Variants in IL1RL1 observed in about 807,000 individuals in gnomAD.
The protein encoded by IL1RL1 is interleukin-1 receptor-like 1.
IL1RL1 carries 32 observed loss-of-function variants against 50.9 expected under a neutral mutation model. The observed-to-expected ratio is 0.63, with a 90% CI of 0.47 to 0.84. The LOEUF (loss-of-function observed/expected upper bound fraction) is 0.84, where lower values mean the gene tolerates loss of function less well. Among genes scored for constraint, IL1RL1 ranks in the 40% least tolerant of loss-of-function variants. The pLI is 0.00. For missense variants in IL1RL1, 773 were observed against 662.9 expected, an observed-to-expected ratio of 1.17 and a Z score of -1.82; for synonymous variants, 275 against 236.0, an observed-to-expected ratio of 1.17 and a Z score of -1.51.
chr2:102,311,701 T>C (rs1471181375), intron 1 of IL1RL1, 78 bp downstream of exon 1: 2 of 138,828 alleles, frequency 1.4e-5, no homozygotes, highest in Non-Finnish European at 3.0e-5. Flanking sequence ...ATTTAGGTCA[T>C]TATAACAATA....
chr2:102,322,397 G>GA (rs1160739784), intron 1 of IL1RL1, among the ~76,000 whole-genome samples: 6 of 152,082 alleles, frequency 3.9e-5, no homozygotes, highest in Admixed American at 3.9e-4. Context: ...AGTTTTGAGG[G>GA]AAAAATGATC....
chr2:102,315,636 T>C (rs1381508057), intron 1 of IL1RL1, among the ~76,000 whole-genome samples: 1 of 152,196 alleles, frequency 6.6e-6, no homozygotes, highest in Non-Finnish European at 1.5e-5. Flanking sequence ...TATTTTCTTT[T>C]CATTTCACCT....
At chr2:102,311,736 CATT>C (rs987885043) in intron 1 of IL1RL1, 113 bp downstream of exon 1, 4 of 124,338 alleles carry the variant, frequency 3.2e-5, no homozygotes, top group African/African-American at 1.2e-4. Flanking sequence ...ATTATTATAA[CATT>C]ATATGTTATA....
At chr2:102,329,021 A>G (rs1409148428) in intron 1 of IL1RL1, among the ~76,000 whole-genome samples, 1 of 152,188 alleles carries the variant, frequency 6.6e-6, no homozygotes, top group Admixed American at 6.5e-5. Flanking sequence ...AAAAGAGCCC[A>G]CATTGCCAAG....
chr2:102,346,538 G>A (rs371302997), intron 8 of IL1RL1, among the ~76,000 whole-genome samples: 31 of 152,242 alleles, frequency 2.0e-4, no homozygotes, highest in East Asian at 7.7e-4. Context: ...ACTTGGAAGC[G>A]TCCAGCCAAT....
intron 1 of IL1RL1, among the ~76,000 whole-genome samples, chr2:102,337,542 TAGAA>T (rs1677373485): frequency 6.6e-6 from 1 of 152,168 alleles, no homozygotes; most frequent in Non-Finnish European, 1.5e-5. Context: ...CAACTACTCT[TAGAA>T]AGCCTTTGGT....
intron 1 of IL1RL1, among the ~76,000 whole-genome samples, chr2:102,335,640 T>C (rs1186319835): frequency 1.3e-5 from 2 of 152,218 alleles, no homozygotes; most frequent in Non-Finnish European, 2.9e-5. Flanking sequence ...ATTTCATCAT[T>C]ATGATGTTAA....
intron 1 of IL1RL1, among the ~76,000 whole-genome samples, chr2:102,320,504 C>A (rs1481799814): frequency 6.6e-6 from 1 of 152,136 alleles, no homozygotes; most frequent in Non-Finnish European, 1.5e-5. Context: ...CAATATGTCT[C>A]CTGAATTTCA....
chr2:102,349,137 T>C lies in IL1RL1; in HGVS notation c.1176T>C (p.Asp392=), dbSNP rs763705194. The C allele has an allele frequency of 1.9e-6, 3 of 1,613,428 alleles. No homozygotes were observed. In the African/African-American group the frequency reaches 4.0e-5, roughly 22 times the overall value. The change falls in exon 10 of 11, where the codon GAT becomes GAC. Residue 392 remains aspartate, a synonymous_variant. Coordinates refer to ENST00000233954, the MANE Select transcript of IL1RL1 (RefSeq NM_016232.5). Reference sequence around the variant, plus strand: ...CACGGAACTACAAATCCAGTACAGATGGGGCCAGTCGTGTAGAGCACTTTG... The same window carrying C: ...CACGGAACTACAAATCCAGTACAGACGGGGCCAGTCGTGTAGAGCACTTTG... ...VYPRNYKSST[D]GASRVEHFVH...
At position 102,338,178 on chromosome 2, in the gene IL1RL1, G is replaced by T. The variant is rs1473979273; in HGVS notation, c.-87G>T. ...GAGTATCACCAACTGCCTCATGTGT[G>T]GTGACCTTCACTGTCGTATGCCAGT... On this transcript the variant is annotated 5_prime_UTR_variant, in exon 2 of 11. Coordinates refer to ENST00000233954, the MANE Select transcript of IL1RL1 (RefSeq NM_016232.5). 2.6e-6 allele frequency: 2 copies of T among 781,900 alleles called. No homozygotes were observed. Among genetic ancestry groups the T allele is most frequent in the Non-Finnish European group, 4.4e-6 (2 of 457,974 alleles). 48.4% of individuals were successfully genotyped at this position (781,900 alleles called of 1,614,324 possible).
chr2:102,324,780 G>T (rs1398716279), intron 1 of IL1RL1, among the ~76,000 whole-genome samples: 1 of 152,228 alleles, frequency 6.6e-6, no homozygotes, highest in Non-Finnish European at 1.5e-5. Flanking sequence ...AGATCAAACT[G>T]CAAGTTGGCA....
intron 1 of IL1RL1, among the ~76,000 whole-genome samples, chr2:102,335,443 T>G (rs899198910): frequency 2.0e-5 from 3 of 152,228 alleles, no homozygotes; most frequent in Admixed American, 6.5e-5. Context: ...CAGCCACAAC[T>G]GGGTGAACTT....
chr2:102,329,957 A>G (rs1285089126), intron 1 of IL1RL1, among the ~76,000 whole-genome samples: 1 of 152,196 alleles, frequency 6.6e-6, no homozygotes, highest in Non-Finnish European at 1.5e-5. Context: ...TAGAACTAGA[A>G]TTACCATTTG....
intron 1 of IL1RL1, among the ~76,000 whole-genome samples, chr2:102,327,409 T>C (rs953260538): frequency 6.6e-6 from 1 of 150,798 alleles, no homozygotes; most frequent in Non-Finnish European, 1.5e-5. Flanking sequence ...GCAGGAAAGA[T>C]CTAAAATTGA....
chr2:102,343,631 A>C, intron 8 of IL1RL1: 1 of 1,421,530 alleles, frequency 7.0e-7, no homozygotes, highest in Non-Finnish European at 9.2e-7. Flanking sequence ...GTCCTCCCCC[A>C]CTCCCTCCTA....
chr2:102,342,281 G>A lies in IL1RL1; in HGVS notation c.669G>A (p.Lys223=). 3 of 1,609,450 alleles carry A rather than the reference G, an allele frequency of 1.9e-6. No homozygotes were observed. The highest frequency in any genetic ancestry group is 2.6e-6 in the Non-Finnish European group (3 of 1,175,978). ...GAGCCCCTGCACAAAATGAAATAAA[G>A]GAAGTGGAAATTGGTAAGAAAATTT... ...VIGAPAQNEI[K]EVEIGKNANL... Residue 223 remains lysine (K), a synonymous_variant, in exon 6 of 11, where the codon AAG becomes AAA. Coordinates refer to ENST00000233954, the MANE Select transcript of IL1RL1 (RefSeq NM_016232.5).
intron 1 of IL1RL1, among the ~76,000 whole-genome samples, chr2:102,311,919 T>A (rs1353892893): frequency 1.4e-3 from 53 of 37,364 alleles, no homozygotes; most frequent in East Asian, 4.2e-3. Flanking sequence ...TATATTTTAT[T>A]ATATAATATA....
At chr2:102,322,128 A>G (rs1294485176) in intron 1 of IL1RL1, among the ~76,000 whole-genome samples, 2 of 152,180 alleles carry the variant, frequency 1.3e-5, no homozygotes, top group Non-Finnish European at 2.9e-5. Context: ...AATTCAGATA[A>G]GAGTTGGTGT....
rs1219360730 is a variant in IL1RL1, at chr2:102,338,933, C to A, written c.158C>A (p.Thr53Lys). 6.2e-7 allele frequency: 1 copy of A among 1,613,788 alleles called. No individual in the cohort carries two copies. Among genetic ancestry groups the A allele is most frequent in the Non-Finnish European group, 8.5e-7 (1 of 1,179,774 alleles). ...SYTVDWYYSQ[T>K]NKSIPTQERN... Reference sequence around the variant, plus strand: ...ACCGTGGATTGGTATTACTCACAAACAAACAAAAGTATTCCCACTCAGGAA... The same window carrying A: ...ACCGTGGATTGGTATTACTCACAAAAAAACAAAAGTATTCCCACTCAGGAA... The change falls in exon 3 of 11, where the codon ACA becomes AAA. Residue 53 changes from threonine (T) to lysine (K), a missense_variant. By Grantham distance (78) the Thr-to-Lys change is moderately conservative. Coordinates refer to ENST00000233954, the MANE Select transcript of IL1RL1 (RefSeq NM_016232.5).
Sources: gnomAD v4.1 joint callset for allele counts (sites outside exome capture counted in the v4.1 genomes callset) on GRCh38, gnomAD v4.1.1 for gene constraint, MANE v1.5 for transcripts, NCBI Gene and HGNC (gene_info 2026-07-23, HGNC 2026-07-21) for gene names.